Variants in SMAD6 observed in about 807,000 individuals in gnomAD.
The protein encoded by SMAD6 is MAD homolog 6.
Under a neutral mutation model 39.4 loss-of-function variants are expected in SMAD6, and 103 were observed. The ratio of observed to expected loss-of-function variants is 2.62; its 90% CI spans 2.23 to 3.08. SMAD6 has a LOEUF of 3.08. Among genes scored for constraint, SMAD6 ranks in the 30% most tolerant of loss-of-function variants. The pLI is 0.00. For missense variants in SMAD6, 1,104 were observed against 742.9 expected, an observed-to-expected ratio of 1.49 and a Z score of -5.65; for synonymous variants, 445 against 353.3, an observed-to-expected ratio of 1.26 and a Z score of -2.91.
intron 1 of SMAD6, chr15:66,704,993 G>C (rs1893080275): frequency 6.6e-6 from 1 of 152,318 alleles, no homozygotes; most frequent in Non-Finnish European, 1.5e-5. Context: ...GTCTTGTGGG[G>C]AACACACACT....
At chr15:66,723,666 C>A (rs1053153607) in intron 3 of SMAD6, among the ~76,000 whole-genome samples, 1 of 152,076 alleles carries the variant, frequency 6.6e-6, no homozygotes, top group Non-Finnish European at 1.5e-5. Flanking sequence ...CAGAACAAGA[C>A]CCTGTCTCTA....
chr15:66,723,960 T>C (rs1893478780), intron 3 of SMAD6, among the ~76,000 whole-genome samples: 1 of 152,156 alleles, frequency 6.6e-6, no homozygotes, highest in Admixed American at 6.5e-5. Context: ...GATTCTGAGT[T>C]GGGTTTTGTA....
chr15:66,711,827 G>GAGGGCTGGAGGGCTGGAGGGCTGT (rs1893237638), intron 2 of SMAD6, 103 bp downstream of exon 2: 1 of 958,154 alleles, frequency 1.0e-6, no homozygotes, highest in African/African-American at 1.6e-5. Flanking sequence ...TGGAGGGCTG[G>GAGGGCTGGAGGGCTGGAGGGCTGT]AGGGGAGGGG....
At chr15:66,771,454 C>T (rs879313431) in intron 3 of SMAD6, among the ~76,000 whole-genome samples, 4 of 152,196 alleles carry the variant, frequency 2.6e-5, no homozygotes, top group Admixed American at 2.0e-4. Flanking sequence ...AGTCAGGGCG[C>T]TGAGGCTGAA....
intron 3 of SMAD6, among the ~76,000 whole-genome samples, chr15:66,766,145 A>C (rs577783718): frequency 5.3e-5 from 8 of 152,154 alleles, no homozygotes; most frequent in Non-Finnish European, 1.2e-4. Flanking sequence ...GTGCTCTAGG[A>C]ATGCAGACGC....
intron 3 of SMAD6, among the ~76,000 whole-genome samples, chr15:66,759,063 A>G (rs2140656648): frequency 6.6e-6 from 1 of 152,348 alleles, no homozygotes; most frequent in Non-Finnish European, 1.5e-5. Flanking sequence ...ACATCTATAG[A>G]TAATACATAA....
At chr15:66,745,475 A>T (rs1456802832) in intron 3 of SMAD6, among the ~76,000 whole-genome samples, 1 of 149,556 alleles carries the variant, frequency 6.7e-6, no homozygotes, top group Non-Finnish European at 1.5e-5. Flanking sequence ...GTTCTCTTCT[A>T]CTCCTTTCCC....
intron 3 of SMAD6, among the ~76,000 whole-genome samples, chr15:66,732,401 G>A (rs1450205995): frequency 2.6e-5 from 4 of 152,162 alleles, no homozygotes; most frequent in Non-Finnish European, 4.4e-5. Context: ...ACCCAGGCTG[G>A]AGTACAGTGG....
At chr15:66,714,113 T>C (rs1054695578) in intron 2 of SMAD6, among the ~76,000 whole-genome samples, 2 of 152,188 alleles carry the variant, frequency 1.3e-5, no homozygotes, top group African/African-American at 4.8e-5. Flanking sequence ...TCAAAAGTTC[T>C]TAGTGAAAGT....
At chr15:66,757,552 G>T (rs547408809) in intron 3 of SMAD6, among the ~76,000 whole-genome samples, 2 of 152,340 alleles carry the variant, frequency 1.3e-5, no homozygotes, top group Admixed American at 1.3e-4. Context: ...CTCAGGCTGG[G>T]TCTCCCAGGC....
intron 3 of SMAD6, among the ~76,000 whole-genome samples, chr15:66,733,124 T>C (rs1282646337): frequency 1.3e-5 from 2 of 152,196 alleles, no homozygotes; most frequent in African/African-American, 2.4e-5. Context: ...TATGTGTGGT[T>C]CTCTTTCTGG....
In SMAD6 at chr15:66,780,996, G is replaced by C. The variant is rs1567115738; in HGVS notation, c.953-1G>C. Reference sequence around the variant, plus strand: ...CGGCGGTCCCTGTGCTTGTCCCGCAGACGCCAGCATGTCTCCGGACGCCAC... The same window carrying C: ...CGGCGGTCCCTGTGCTTGTCCCGCACACGCCAGCATGTCTCCGGACGCCAC... On this transcript the variant is annotated splice_acceptor_variant, in intron 3 of 3. Coordinates refer to ENST00000288840, the MANE Select transcript of SMAD6 (RefSeq NM_005585.5). LOFTEE classifies it high-confidence loss of function. 6.4e-7 allele frequency: 1 copy of C among 1,563,322 alleles called. No individual in the cohort carries two copies. The highest frequency in any genetic ancestry group is 2.4e-5 in the East Asian group (1 of 42,450).
intron 3 of SMAD6, among the ~76,000 whole-genome samples, chr15:66,720,905 G>A (rs1037525964): frequency 6.6e-6 from 1 of 152,166 alleles, no homozygotes. Context: ...AGTCCTCACA[G>A]CATGTGGGTT....
intron 2 of SMAD6, among the ~76,000 whole-genome samples, chr15:66,712,721 T>C (rs1192066134): frequency 6.9e-6 from 1 of 145,272 alleles, no homozygotes; most frequent in Admixed American, 6.9e-5. Context: ...AGAGTAGAGG[T>C]TGTGGTTGGG....
Position 66,781,292 on chromosome 15 carries a change from G to C in SMAD6, c.1248G>C (p.Thr416=). The change falls in exon 4 of 4, where the codon ACG becomes ACC. Residue 416 remains threonine (T), a synonymous_variant. Coordinates refer to ENST00000288840, the MANE Select transcript of SMAD6 (RefSeq NM_005585.5). ...GEHPIFVNSP[T]LDAPGGRALV... ...ACCCCATCTTCGTCAACTCCCCGAC[G>C]CTGGACGCGCCCGGCGGCCGCGCCC... 1 of 1,604,384 alleles carries C rather than the reference G, an allele frequency of 6.2e-7. No individual in the cohort carries two copies. The highest frequency in any genetic ancestry group is 8.5e-7 in the Non-Finnish European group (1 of 1,177,080).
intron 3 of SMAD6, among the ~76,000 whole-genome samples, chr15:66,744,318 G>A (rs905006245): frequency 1.3e-5 from 2 of 152,192 alleles, no homozygotes; most frequent in African/African-American, 4.8e-5. Flanking sequence ...GCCTGCCTCG[G>A]GCCAGGCCAT....
chr15:66,715,533 T>G (rs1490120527), intron 2 of SMAD6, among the ~76,000 whole-genome samples: 2 of 152,108 alleles, frequency 1.3e-5, no homozygotes, highest in African/African-American at 4.8e-5. Context: ...CTGCAGGCCT[T>G]CCAACTCCTG....
chr15:66,775,231 G>A (rs961317058), intron 3 of SMAD6, among the ~76,000 whole-genome samples: 5 of 152,064 alleles, frequency 3.3e-5, no homozygotes, highest in Admixed American at 2.6e-4. Context: ...GAAACACACC[G>A]CGAACCCTGT....
chr15:66,728,146 C>G (rs140740297), intron 3 of SMAD6, among the ~76,000 whole-genome samples: 4 of 152,206 alleles, frequency 2.6e-5, no homozygotes, highest in Non-Finnish European at 5.9e-5. Context: ...AGCCACACCA[C>G]GCCTGGCCAA....
Sources: allele counts gnomAD v4.1 joint callset (sites outside exome capture counted in the v4.1 genomes callset), GRCh38; gene constraint gnomAD v4.1.1; transcripts MANE v1.5; gene names NCBI Gene and HGNC (gene_info 2026-07-23, HGNC 2026-07-21).